Variants in CLDN10 observed in about 807,000 individuals in gnomAD.
The protein encoded by CLDN10 is claudin-10.
Under a neutral mutation model 22.9 loss-of-function variants are expected in CLDN10, and 15 were observed. That is an observed-to-expected ratio of 0.65 (90% CI 0.44 to 1.01). CLDN10 has a LOEUF of 1.01. Ranked by LOEUF, CLDN10 falls within the 50% of genes least tolerant of loss-of-function variation. The probability of loss-of-function intolerance (pLI) is 0.00; values close to 1 mark genes in which losing one functional copy is unlikely to be tolerated. For missense variants in CLDN10, 247 were observed against 287.8 expected (o/e 0.86, Z 1.03); for synonymous variants, 114 against 111.4 (o/e 1.02, Z -0.15).
chr13:95,491,759 G>A (rs2042874031), intron 1 of CLDN10, among the ~76,000 whole-genome samples: 1 of 152,132 alleles, frequency 6.6e-6, no homozygotes, highest in African/African-American at 2.4e-5. Flanking sequence ...CATATTACCA[G>A]GGTTGATTGT....
In CLDN10 at chr13:95,541,612, A is replaced by G. The variant is rs146786783; in HGVS notation, c.215-18520A>G. ...TTTTTATTACTTCCTCTATCACTAGATCTAGGCAGAGCTTTTGAGACTTGT... is the reference window on the plus strand; with the variant it reads ...TTTTTATTACTTCCTCTATCACTAGGTCTAGGCAGAGCTTTTGAGACTTGT... On this transcript the variant is annotated intron_variant, in intron 1 of 4. Transcript: ENST00000376873. Among the ~76,000 whole-genome samples, 820 of 152,168 alleles carry G rather than the reference A, an allele frequency of 5.4e-3. 9 individuals are homozygous for G. The highest frequency in any genetic ancestry group is 0.019 in the African/African-American group (792 of 41,524).
intron 1 of CLDN10, among the ~76,000 whole-genome samples, chr13:95,511,744 ATCT>A (rs2138561791): frequency 8.2e-6 from 1 of 122,078 alleles, no homozygotes; most frequent in East Asian, 2.5e-4. Context: ...AGGAAAAGTC[ATCT>A]TAGGCAAAGA....
At chr13:95,476,109 T>G (rs1226239471) in intron 1 of CLDN10, among the ~76,000 whole-genome samples, 1 of 152,138 alleles carries the variant, frequency 6.6e-6, no homozygotes, top group African/African-American at 2.4e-5. Context: ...CGCAAAGGCA[T>G]GATAAACTCG....
At chr13:95,504,164 T>A (rs1009743307) in intron 1 of CLDN10, among the ~76,000 whole-genome samples, 76 of 152,256 alleles carry the variant, frequency 5.0e-4, no homozygotes, top group African/African-American at 1.8e-3. Flanking sequence ...TGAAGAAGTA[T>A]GACAATTGAA....
intron 1 of CLDN10, among the ~76,000 whole-genome samples, chr13:95,517,953 A>AAAG (rs1555295127): frequency 7.9e-5 from 10 of 127,276 alleles, no homozygotes; most frequent in East Asian, 4.6e-4. Flanking sequence ...AAAAAAAAAA[A>AAAG]AGAGAGATTG....
chr13:95,517,840 A>G (rs2043185951), intron 1 of CLDN10, among the ~76,000 whole-genome samples: 1 of 150,890 alleles, frequency 6.6e-6, no homozygotes, highest in African/African-American at 2.4e-5. Flanking sequence ...AGGGTAAGGC[A>G]GGAGAATCAC....
chr13:95,481,299 G>A (rs1342859737), intron 1 of CLDN10, among the ~76,000 whole-genome samples: 1 of 152,156 alleles, frequency 6.6e-6, no homozygotes, highest in Admixed American at 6.5e-5. Flanking sequence ...CTGCACTGAG[G>A]GGAAGGGCAG....
At chr13:95,569,775 C>T (rs539734354) in intron 3 of CLDN10, among the ~76,000 whole-genome samples, 1 of 151,774 alleles carries the variant, frequency 6.6e-6, no homozygotes, top group Non-Finnish European at 1.5e-5. Context: ...ATGTCAGATA[C>T]GCCTTTTTTT....
intron 1 of CLDN10, among the ~76,000 whole-genome samples, chr13:95,540,571 T>A (rs2043449889): frequency 6.6e-6 from 1 of 152,228 alleles, no homozygotes; most frequent in Admixed American, 6.5e-5. Flanking sequence ...TAATATGCAT[T>A]AGGTAACAAA....
chr13:95,496,015 G>A (rs1345163911), intron 1 of CLDN10, among the ~76,000 whole-genome samples: 1 of 152,204 alleles, frequency 6.6e-6, no homozygotes, highest in Non-Finnish European at 1.5e-5. Flanking sequence ...TTTATCCCAA[G>A]AACAACTTCC....
At chr13:95,477,737 C>T (rs971133749) in intron 1 of CLDN10, among the ~76,000 whole-genome samples, 15 of 152,188 alleles carry the variant, frequency 9.9e-5, no homozygotes, top group African/African-American at 2.9e-4. Flanking sequence ...GAGGCAGCGT[C>T]TCAACCCCTC....
intron 1 of CLDN10, among the ~76,000 whole-genome samples, chr13:95,488,950 CT>C (rs58919737): frequency 2.3e-3 from 251 of 110,666 alleles, no homozygotes; most frequent in Middle Eastern, 6.3e-3. Context: ...ACTTTTTGTT[CT>C]TTTTTTTTTT....
Position 95,552,888 on chromosome 13 carries a change from T to A in CLDN10, c.135T>A (p.Tyr45Ter). Residue 45 changes from tyrosine to a stop codon, truncating the protein, a stop_gained, in exon 1 of 5, where the codon TAT becomes TAA. Transcript: ENST00000299339. LOFTEE classifies it high-confidence loss of function. The stretch of plus-strand genomic sequence containing the variant: ...GCACGGTCATCACAACCGCCACCTA[T>A]TGGGCCAACCTGTGGAAGGCGTGCG... ...IDGTVITTAT[Y>*]WANLWKACVT... The A allele has an allele frequency of 6.2e-7, 1 of 1,614,124 alleles. No homozygotes were observed. Among genetic ancestry groups the A allele is most frequent in the Non-Finnish European group, 8.5e-7 (1 of 1,180,004 alleles).
intron 1 of CLDN10, among the ~76,000 whole-genome samples, chr13:95,529,036 C>CTTGTTG (rs746724488): frequency 6.6e-6 from 1 of 151,630 alleles, no homozygotes; most frequent in African/African-American, 2.4e-5. Context: ...CAATGTTTTT[C>CTTGTTG]TTGTTGTTGT....
chr13:95,499,675 C>T (rs1406644263), intron 1 of CLDN10, among the ~76,000 whole-genome samples: 2 of 152,140 alleles, frequency 1.3e-5, no homozygotes, highest in South Asian at 2.1e-4. Context: ...TGGAAGGTTC[C>T]CAGGAAGGCC....
intron 1 of CLDN10, among the ~76,000 whole-genome samples, chr13:95,527,329 T>C (rs2043291747): frequency 6.6e-6 from 1 of 152,246 alleles, no homozygotes; most frequent in Non-Finnish European, 1.5e-5. Flanking sequence ...GAAATTCATT[T>C]ACTGTCTTTT....
At chr13:95,545,998 C>T (rs2043505574) in intron 1 of CLDN10, among the ~76,000 whole-genome samples, 1 of 152,204 alleles carries the variant, frequency 6.6e-6, no homozygotes, top group Admixed American at 6.5e-5. Flanking sequence ...CCCAAACTAA[C>T]ACAGTGAGTG....
At chr13:95,524,871 T>TA (rs777101760) in intron 1 of CLDN10, among the ~76,000 whole-genome samples, 245 of 151,142 alleles carry the variant, frequency 1.6e-3, no homozygotes, top group African/African-American at 5.5e-3. Flanking sequence ...TTTTATTTTT[T>TA]TTTTTGAGAC....
intron 1 of CLDN10, among the ~76,000 whole-genome samples, chr13:95,523,186 T>C (rs1179850560): frequency 6.6e-6 from 1 of 152,192 alleles, no homozygotes; most frequent in Non-Finnish European, 1.5e-5. Flanking sequence ...TTTTTGTTAA[T>C]TTATAATTTA....
Sources: gnomAD v4.1 joint callset for allele counts (sites outside exome capture counted in the v4.1 genomes callset) on GRCh38, gnomAD v4.1.1 for gene constraint, MANE v1.5 for transcripts, NCBI Gene and HGNC (gene_info 2026-07-23, HGNC 2026-07-21) for gene names.